Variants in MRPL3 observed in about 807,000 individuals in gnomAD.
The protein encoded by MRPL3 is mitochondrial ribosomal protein L3.
Under a neutral mutation model 44.3 loss-of-function variants are expected in MRPL3, and 43 were observed. The observed-to-expected ratio is 0.97, with a 90% confidence interval of 0.76 to 1.25. MRPL3 has a LOEUF of 1.25. MRPL3 is among the 50% of genes most tolerant of loss of function. The pLI is 0.00. For missense variants in MRPL3, 406 were observed against 427.6 expected (o/e 0.95, Z 0.45); for synonymous variants, 171 against 152.3 (o/e 1.12, Z -0.91).
At position 131,489,613 on chromosome 3, in the gene MRPL3, C is replaced by A. The variant is rs552229266; in HGVS notation, c.568+368G>T. On this transcript the variant is annotated intron_variant, in intron 5 of 9. Coordinates refer to ENST00000264995, the MANE Select transcript of MRPL3 (RefSeq NM_007208.4). The stretch of plus-strand genomic sequence containing the variant: ...ATTGAGGTGCTATGGTCGGTCCCTT[C>A]TGTTATTATATTTTCTCCAGTTCTT... 2.0e-5 allele frequency among the ~76,000 whole-genome samples: 3 copies of A among 152,170 alleles called. No homozygotes were observed. The East Asian group carries it at 5.8e-4, about 29-fold the overall frequency.
Position 131,497,975 on chromosome 3 carries a change from T to C in MRPL3, c.468+204A>G, listed in dbSNP as rs1032853914. 18 of 569,106 alleles carry C rather than the reference T, an allele frequency of 3.2e-5. No homozygotes were observed. In the African/African-American group the frequency reaches 3.4e-4, roughly 11 times the overall value. The allele number at this position is 569,106 out of a possible 1,614,324, so 35.3% of individuals were successfully genotyped here. A position where few individuals can be genotyped will look rare whatever the true frequency, so the allele number is the denominator to read the frequency against. On this transcript the variant is annotated intron_variant, in intron 4 of 9. Transcript: ENST00000264995. Reference sequence around the variant, plus strand: ...GAGAGGTAAAATTACTTGTTCCAGATACAGGGAGAGGTATTAGAACAAACT... The same window carrying C: ...GAGAGGTAAAATTACTTGTTCCAGACACAGGGAGAGGTATTAGAACAAACT...
At chr3:131,474,238 GCAA>G (rs1481767802) in intron 6 of MRPL3, among the ~76,000 whole-genome samples, 2 of 152,146 alleles carry the variant, frequency 1.3e-5, no homozygotes, top group Non-Finnish European at 2.9e-5. Flanking sequence ...CCTGCCATCT[GCAA>G]CAACATTAAT....
chr3:131,463,024 G>A (rs1234321013), intron 9 of MRPL3, 149 bp from the exon 10 acceptor site: 4 of 615,444 alleles, frequency 6.5e-6, no homozygotes, highest in East Asian at 3.2e-5. Flanking sequence ...AAAGAACTCA[G>A]TCAATGCTTT....
chr3:131,495,380 G>A (rs1479192125), intron 4 of MRPL3, among the ~76,000 whole-genome samples: 2 of 151,988 alleles, frequency 1.3e-5, no homozygotes, highest in Non-Finnish European at 2.9e-5. Context: ...TATAGACAAA[G>A]CTTTTTCTTG....
intron 6 of MRPL3, among the ~76,000 whole-genome samples, chr3:131,485,089 G>C (rs1044287155): frequency 2.0e-5 from 3 of 152,142 alleles, no homozygotes; most frequent in Non-Finnish European, 4.4e-5. Flanking sequence ...ATTTAATCCT[G>C]AAGCTGGTGC....
In MRPL3 at chr3:131,487,713, C is replaced by G; in HGVS notation, c.596G>C (p.Arg199Pro). 6.2e-7 allele frequency: 1 copy of G among 1,611,044 alleles called. No individual in the cohort carries two copies. The highest frequency in any genetic ancestry group is 8.5e-7 in the Non-Finnish European group (1 of 1,179,250). ...PGTPLYAAHF[R>P]PGQYVDVTAK... ...TGTGACATCCACATACTGTCCTGGA[C>G]GAAAGTGAGCAGCATAAAGAGGAGT... Residue 199 changes from arginine to proline, a missense_variant, in exon 6 of 10, where the codon CGT (arginine) becomes CCT (proline). By Grantham distance (103) the Arg-to-Pro change is moderately radical (BLOSUM62 -2). Coordinates refer to ENST00000264995, the MANE Select transcript of MRPL3 (RefSeq NM_007208.4).
Position 131,500,454 on chromosome 3 carries a change from T to C in MRPL3, c.345A>G (p.Gln115=). ...CCTGAAGTAATGTGACCACATGCTT[T>C]TGACCATCCTTGGTCCATAAAGGCA... ...GMMPLWTKDG[Q]KHVVTLLQVQ... The change falls in exon 3 of 10, where the codon CAA becomes CAG. Residue 115 remains glutamine (Q), a synonymous_variant. Transcript: ENST00000264995. 6.2e-7 allele frequency: 1 copy of C among 1,613,840 alleles called. No homozygotes were observed. The highest frequency in any genetic ancestry group is 8.5e-7 in the Non-Finnish European group (1 of 1,179,824).
intron 8 of MRPL3, among the ~76,000 whole-genome samples, chr3:131,469,098 G>A (rs1933683255): frequency 6.6e-6 from 1 of 151,998 alleles, no homozygotes; most frequent in Non-Finnish European, 1.5e-5. Flanking sequence ...GGTAGAGATT[G>A]AATTCAACTT....
At chr3:131,480,640 A>C (rs964313898) in intron 6 of MRPL3, among the ~76,000 whole-genome samples, 3 of 152,144 alleles carry the variant, frequency 2.0e-5, no homozygotes, top group Non-Finnish European at 4.4e-5. Flanking sequence ...TAAACCCAGA[A>C]CACCACATTT....
intron 4 of MRPL3, among the ~76,000 whole-genome samples, chr3:131,496,583 T>C (rs1446190158): frequency 3.3e-5 from 5 of 152,166 alleles, no homozygotes; most frequent in African/African-American, 1.2e-4. Context: ...AGCTTCCCTT[T>C]TCCTTGTTCC....
chr3:131,484,290 G>A (rs755704169), intron 6 of MRPL3, among the ~76,000 whole-genome samples: 7 of 152,118 alleles, frequency 4.6e-5, no homozygotes, highest in Non-Finnish European at 8.8e-5. Context: ...TGGAAACTTG[G>A]TAGAAATGCA....
intron 6 of MRPL3, among the ~76,000 whole-genome samples, chr3:131,480,481 A>G (rs1319024100): frequency 2.6e-5 from 4 of 152,234 alleles, no homozygotes; most frequent in Non-Finnish European, 5.9e-5. Context: ...TAAAAACCAT[A>G]AACTTCCCAT....
chr3:131,480,326 A>G (rs1933955666), intron 6 of MRPL3, among the ~76,000 whole-genome samples: 1 of 152,194 alleles, frequency 6.6e-6, no homozygotes, highest in South Asian at 2.1e-4. Flanking sequence ...CTGAGCCCAC[A>G]AGTCAGTCAT....
At chr3:131,499,550 CAAT>C (rs374951124) in intron 3 of MRPL3, among the ~76,000 whole-genome samples, 1,607 of 152,228 alleles carry the variant, frequency 0.011, 25 homozygotes, top group African/African-American at 0.035. Flanking sequence ...CATTCAGAGC[CAAT>C]AATAATTTGC....
chr3:131,470,559 T>G (rs1933716212), intron 7 of MRPL3, among the ~76,000 whole-genome samples: 1 of 152,056 alleles, frequency 6.6e-6, no homozygotes, highest in South Asian at 2.1e-4. Flanking sequence ...TCACTCTTAT[T>G]CATTCTACAA....
At chr3:131,489,562 T>C (rs548169303) in intron 5 of MRPL3, among the ~76,000 whole-genome samples, 2 of 152,236 alleles carry the variant, frequency 1.3e-5, no homozygotes, top group African/African-American at 4.8e-5. Flanking sequence ...CAAAATATCT[T>C]GGAAATTTTA....
rs1933660913 is a variant in MRPL3 at position 131,468,086 on chromosome 3, C to T, written c.894+5G>A. On this transcript the variant is annotated splice_donor_5th_base_variant and intron_variant, in intron 9 of 9. Coordinates refer to ENST00000264995, the MANE Select transcript of MRPL3 (RefSeq NM_007208.4). ...AGGAAAAAAAAAGAAGACACTTATA[C>T]TTACCTTTACTAAGCAATTTTTATG... 2.7e-6 allele frequency: 4 copies of T among 1,486,024 alleles called. No individual in the cohort carries two copies. Among genetic ancestry groups the T allele is most frequent in the Non-Finnish European group, 3.6e-6 (4 of 1,098,900 alleles). The allele number at this position is 1,486,024 out of a possible 1,614,324, so 92.1% of individuals were successfully genotyped here.
chr3:131,468,049 C>CAA (rs56928817), intron 9 of MRPL3, 42 bp downstream of exon 9: 110 of 860,320 alleles, frequency 1.3e-4, no homozygotes, highest in Admixed American at 3.5e-4. Flanking sequence ...GAGTAAGAAA[C>CAA]AAAAAAAAAA....
intron 6 of MRPL3, among the ~76,000 whole-genome samples, chr3:131,482,044 C>T (rs1291557948): frequency 1.3e-5 from 2 of 152,114 alleles, no homozygotes; most frequent in Admixed American, 1.3e-4. Flanking sequence ...GGTATACAGC[C>T]CACAAAGTCT....
Sources: allele counts gnomAD v4.1 joint callset (sites outside exome capture counted in the v4.1 genomes callset), GRCh38; gene constraint gnomAD v4.1.1; transcripts MANE v1.5; gene names NCBI Gene and HGNC (gene_info 2026-07-23, HGNC 2026-07-21).